Variants in SLC16A7 observed in about 807,000 individuals in gnomAD.
SLC16A7 encodes the protein monocarboxylate transporter 2.
In SLC16A7, 33 loss-of-function variants were observed where a neutral mutation model predicts 34.9. The observed-to-expected ratio is 0.94, with a 90% CI of 0.72 to 1.26. The LOEUF (loss-of-function observed/expected upper bound fraction) is 1.26. Ranked by LOEUF, SLC16A7 falls within the 50% of genes most tolerant of loss-of-function variation. The probability of loss-of-function intolerance (pLI) is 0.00; values close to 1 mark genes in which losing one functional copy is unlikely to be tolerated. For synonymous variants in SLC16A7, 201 were observed against 206.6 expected (o/e 0.97, Z 0.23); for missense variants, 573 against 578.1 (o/e 0.99, Z 0.09).
At chr12:59,680,178 C>G (rs1870635411) in intron 2 of SLC16A7, among the ~76,000 whole-genome samples, 1 of 152,092 alleles carries the variant, frequency 6.6e-6, no homozygotes, top group African/African-American at 2.4e-5. Flanking sequence ...AGGCAAAGGA[C>G]AGGAAAAGTG....
chr12:59,617,604 C>T (rs966565473), intron 1 of SLC16A7, among the ~76,000 whole-genome samples: 2 of 151,868 alleles, frequency 1.3e-5, no homozygotes, highest in African/African-American at 4.8e-5. Context: ...CAATGCATGT[C>T]GAAGTAGGCT....
chr12:59,618,679 T>C (rs1456850589), intron 1 of SLC16A7, among the ~76,000 whole-genome samples: 2 of 151,990 alleles, frequency 1.3e-5, no homozygotes, highest in Non-Finnish European at 1.5e-5. Flanking sequence ...TCTTAAGGTG[T>C]GTGATCTTCC....
chr12:59,610,634 C>G (rs773762814), intron 1 of SLC16A7, among the ~76,000 whole-genome samples: 1 of 152,184 alleles, frequency 6.6e-6, no homozygotes, highest in Non-Finnish European at 1.5e-5. Flanking sequence ...AAGGGTTCAT[C>G]TTAAACCTAT....
chr12:59,717,879 GA>G (rs1875105486), intron 3 of SLC16A7, among the ~76,000 whole-genome samples: 1 of 152,114 alleles, frequency 6.6e-6, no homozygotes, highest in Non-Finnish European at 1.5e-5. Context: ...ATTATATTTA[GA>G]TTTTTTTTCT....
intron 2 of SLC16A7, among the ~76,000 whole-genome samples, chr12:59,672,270 G>GTA (rs963625100): frequency 8.2e-6 from 1 of 122,476 alleles, no homozygotes; most frequent in Non-Finnish European, 1.8e-5. Context: ...GCATATATAC[G>GTA]TATATATATG....
chr12:59,621,500 A>G (rs768428772), intron 1 of SLC16A7, among the ~76,000 whole-genome samples: 8 of 151,836 alleles, frequency 5.3e-5, no homozygotes, highest in Non-Finnish European at 1.0e-4. Flanking sequence ...TCTGATTTGA[A>G]TGCCTTACTT....
intron 1 of SLC16A7, among the ~76,000 whole-genome samples, chr12:59,625,488 CA>C (rs1194610844): frequency 8.6e-5 from 13 of 151,736 alleles, no homozygotes; most frequent in Admixed American, 7.2e-4. Flanking sequence ...ATCTCAGATT[CA>C]AATCTTCCTA....
chr12:59,655,840 T>C (rs886802999), intron 2 of SLC16A7, among the ~76,000 whole-genome samples: 3 of 151,922 alleles, frequency 2.0e-5, no homozygotes, highest in African/African-American at 7.2e-5. Context: ...GCTGTGCAGA[T>C]GAGAAAACTG....
rs779592181 is a variant in SLC16A7 at position 59,703,855 on chromosome 12, A to C, written c.-30-917A>C. On this transcript the variant is annotated intron_variant, in intron 2 of 5. Transcript: ENST00000547379. ...TGACCGTAGTAATCATTTTGCTATG[A>C]ATATGTATAACAAAACATGTTTTAC... Among the ~76,000 whole-genome samples the C allele has an allele frequency of 2.7e-4, 41 of 152,138 alleles. 1 individual carries two copies. Among genetic ancestry groups the C allele is most frequent in the South Asian group, 1.2e-3 (6 of 4,828 alleles).
intron 2 of SLC16A7, among the ~76,000 whole-genome samples, chr12:59,655,550 A>G (rs1358530754): frequency 6.6e-6 from 1 of 151,558 alleles, no homozygotes; most frequent in Non-Finnish European, 1.5e-5. Flanking sequence ...ATAAAGTTTC[A>G]ATAATAATAA....
chr12:59,649,810 G>A (rs2137016498), intron 1 of SLC16A7, among the ~76,000 whole-genome samples: 1 of 152,094 alleles, frequency 6.6e-6, no homozygotes, highest in African/African-American at 2.4e-5. Context: ...TTAGCCAGGT[G>A]TGGTGGCGGG....
At chr12:59,670,304 G>A (rs61933761) in intron 2 of SLC16A7, among the ~76,000 whole-genome samples, 30,478 of 151,826 alleles carry the variant, frequency 0.2, 3,192 homozygotes, top group Non-Finnish European at 0.22. Flanking sequence ...CTGCATCTGC[G>A]TTGGCCTTAT....
chr12:59,686,419 T>C (rs528310299), intron 2 of SLC16A7, among the ~76,000 whole-genome samples: 27 of 152,196 alleles, frequency 1.8e-4, no homozygotes, highest in Non-Finnish European at 3.5e-4. Flanking sequence ...TTTAGTGACA[T>C]TTACTGTGAT....
intron 3 of SLC16A7, among the ~76,000 whole-genome samples, chr12:59,740,808 A>G (rs1878234130): frequency 6.6e-6 from 1 of 152,134 alleles, no homozygotes; most frequent in Non-Finnish European, 1.5e-5. Flanking sequence ...ATATCTAGAA[A>G]ACCCCAATGT....
Position 59,779,469 on chromosome 12 carries a change from C to G in SLC16A7, c.1227C>G (p.Ser409=), listed in dbSNP as rs763813962. The G allele has an allele frequency of 6.2e-7, 1 of 1,610,616 alleles. No individual in the cohort carries two copies. Among genetic ancestry groups the G allele is most frequent in the South Asian group, 1.1e-5 (1 of 90,962 alleles). Residue 409 remains serine, a synonymous_variant, in exon 6 of 6, where the codon TCC becomes TCG. Coordinates refer to ENST00000547379, the MANE Select transcript of SLC16A7 (RefSeq NM_001270623.2). ...LTGEYKYMYM[S]CGAIVVAASV... is the part of the protein sequence containing the mutation. ...GAGAATATAAATACATGTACATGTC[C>G]TGTGGGGCTATTGTGGTAGCAGCAA... is the stretch of plus-strand genomic sequence containing the variant.
intron 3 of SLC16A7, among the ~76,000 whole-genome samples, chr12:59,768,480 A>T (rs1881900821): frequency 6.6e-6 from 1 of 152,178 alleles, no homozygotes; most frequent in Non-Finnish European, 1.5e-5. Flanking sequence ...AATATAATTT[A>T]CTTCTGATGA....
At position 59,674,784 on chromosome 12, in the gene SLC16A7, CCAACAGTCAAGATAGA is replaced by C. The variant is rs1870171275; in HGVS notation, c.-31+19535_-31+19550del. ...AGTCCTTTGGGAACTGGAGTGAAAA[CCAACAGTCAAGATAGA>C]AGTCATGCTACAAAGATAGGAGTAC... On this transcript the variant is annotated intron_variant, in intron 2 of 5. Coordinates refer to ENST00000547379, the MANE Select transcript of SLC16A7 (RefSeq NM_001270623.2). Among the ~76,000 whole-genome samples, 5 of 152,256 alleles carry C rather than the reference CCAACAGTCAAGATAGA, an allele frequency of 3.3e-5. No homozygotes were observed. The South Asian group carries it at 1.0e-3, about 32-fold the overall frequency.
chr12:59,779,462 A>T lies in SLC16A7; in HGVS notation c.1220A>T (p.Tyr407Phe), dbSNP rs752637113. 6.2e-7 allele frequency: 1 copy of T among 1,611,182 alleles called. No homozygotes were observed. Among genetic ancestry groups the T allele is most frequent in the Non-Finnish European group, 8.5e-7 (1 of 1,177,746 alleles). Residue 407 changes from tyrosine to phenylalanine, a missense_variant, in exon 6 of 6, where the codon TAC (tyrosine) becomes TTC (phenylalanine). By Grantham distance (22) the Tyr-to-Phe change is conservative. Coordinates refer to ENST00000547379, the MANE Select transcript of SLC16A7 (RefSeq NM_001270623.2). ...TTAACTGGAGAATATAAATACATGT[A>T]CATGTCCTGTGGGGCTATTGTGGTA... ...VDLTGEYKYM[Y>F]MSCGAIVVAA...
chr12:59,615,364 A>T (rs1879401366), intron 1 of SLC16A7, among the ~76,000 whole-genome samples: 2 of 152,240 alleles, frequency 1.3e-5, no homozygotes, highest in African/African-American at 4.8e-5. Flanking sequence ...AAAATGAAAA[A>T]AAAACCACAC....
Sources: allele counts gnomAD v4.1 joint callset (sites outside exome capture counted in the v4.1 genomes callset), GRCh38; gene constraint gnomAD v4.1.1; transcripts MANE v1.5; gene names NCBI Gene and HGNC (gene_info 2026-07-23, HGNC 2026-07-21).